Variants in SLC22A15 observed in about 807,000 individuals in gnomAD.
SLC22A15 encodes solute carrier family 22 member 15, also known as flipt 1.
A neutral mutation model predicts 62.7 loss-of-function variants in SLC22A15; 45 were observed. The observed-to-expected ratio is 0.72, with a 90% CI of 0.56 to 0.92. The LOEUF is 0.92. Ranked by LOEUF, SLC22A15 falls within the 40% of genes least tolerant of loss-of-function variation. The pLI, the probability that SLC22A15 is intolerant of heterozygous loss-of-function variation, is 0.00. For missense variants in SLC22A15, 622 were observed against 665.6 expected (o/e 0.93, Z 0.72); for synonymous variants, 264 against 267.0 (o/e 0.99, Z 0.11).
At chr1:116,038,190 G>A (rs1657682653) in intron 8 of SLC22A15, among the ~76,000 whole-genome samples, 1 of 152,130 alleles carries the variant, frequency 6.6e-6, no homozygotes, top group Admixed American at 6.5e-5. Context: ...CCTGTCTTAG[G>A]GGCTTTTGGA....
chr1:115,993,215 C>A (rs1655240101), intron 2 of SLC22A15, among the ~76,000 whole-genome samples: 3 of 152,196 alleles, frequency 2.0e-5, no homozygotes, highest in Admixed American at 1.3e-4. Flanking sequence ...GCCTGCTCCT[C>A]TGAAGCTACC....
Position 115,992,206 on chromosome 1 carries a change from T to A in SLC22A15, c.263T>A (p.Val88Glu), listed in dbSNP as rs750995469. 27 of 1,605,178 alleles carry A rather than the reference T, an allele frequency of 1.7e-5. No individual in the cohort carries two copies. Among genetic ancestry groups the A allele is most frequent in the Non-Finnish European group, 2.1e-5 (25 of 1,175,686 alleles). ...TANGSEIHKH[V>E]HFSSSFTSIA... ...AACGGCAGTGAGATCCATAAGCACG[T>A]GCATTTCAGCAGCAGCTTCACCTCC... The change falls in exon 2 of 12, where the codon GTG becomes GAG. Residue 88 changes from valine (V) to glutamate (E), a missense_variant. Val to Glu is a moderately radical substitution (Grantham distance 121, BLOSUM62 -2). Transcript: ENST00000369503.
At chr1:115,990,403 ATTTC>A (rs1351076231) in intron 1 of SLC22A15, among the ~76,000 whole-genome samples, 1 of 152,204 alleles carries the variant, frequency 6.6e-6, no homozygotes, top group African/African-American at 2.4e-5. Context: ...CATCAATTAA[ATTTC>A]AGCAGAGTAT....
intron 8 of SLC22A15, 32 bp from the exon 9 acceptor site, chr1:116,062,730 G>T (rs777221511): frequency 1.2e-6 from 2 of 1,612,646 alleles, no homozygotes; most frequent in Non-Finnish European, 1.7e-6. Context: ...TTCAACTGTG[G>T]GTCTCACAGG....
chr1:115,991,979 A>G, intron 1 of SLC22A15, 52 bp from the exon 2 acceptor site: 2 of 1,527,342 alleles, frequency 1.3e-6, no homozygotes, highest in Non-Finnish European at 1.8e-6. Context: ...AGTGTCTTCA[A>G]CATTGATGGC....
chr1:115,994,980 C>CT (rs200134103), intron 2 of SLC22A15, among the ~76,000 whole-genome samples: 2,071 of 151,372 alleles, frequency 0.014, 55 homozygotes, highest in African/African-American at 0.047. Flanking sequence ...GACCTTCAGC[C>CT]TTTTTTTTTC....
At chr1:115,990,022 C>T (rs1655071547) in intron 1 of SLC22A15, among the ~76,000 whole-genome samples, 3 of 152,218 alleles carry the variant, frequency 2.0e-5, no homozygotes, top group South Asian at 4.1e-4. Flanking sequence ...TAAGCAAATA[C>T]ATAAATATAA....
At chr1:116,018,126 C>T (rs1656631008) in intron 2 of SLC22A15, among the ~76,000 whole-genome samples, 1 of 152,230 alleles carries the variant, frequency 6.6e-6, no homozygotes, top group South Asian at 2.1e-4. Context: ...ACGCTTTCAA[C>T]ATTCCAAACT....
intron 2 of SLC22A15, chr1:116,017,541 C>G (rs978999040): frequency 6.6e-6 from 1 of 152,152 alleles, no homozygotes; most frequent in African/African-American, 2.4e-5. Flanking sequence ...TTCCCAATTC[C>G]TGAGCCTTTT....
chr1:116,054,937 C>T (rs2101546021), intron 8 of SLC22A15, among the ~76,000 whole-genome samples: 2 of 151,682 alleles, frequency 1.3e-5, no homozygotes, highest in African/African-American at 4.8e-5. Flanking sequence ...CACTAAATGC[C>T]CACGAGAGAA....
intron 2 of SLC22A15, among the ~76,000 whole-genome samples, chr1:116,006,478 C>A (rs1655990809): frequency 6.6e-6 from 1 of 152,168 alleles, no homozygotes; most frequent in African/African-American, 2.4e-5. Flanking sequence ...TGCTGAAGAT[C>A]TTTAAAGCAG....
chr1:116,040,370 G>T (rs958793304), intron 8 of SLC22A15, among the ~76,000 whole-genome samples: 1 of 152,190 alleles, frequency 6.6e-6, no homozygotes, highest in African/African-American at 2.4e-5. Flanking sequence ...TTGCCTGGAG[G>T]ATTCTAATTA....
At chr1:116,060,423 A>T (rs748636943) in intron 8 of SLC22A15, among the ~76,000 whole-genome samples, 2 of 152,166 alleles carry the variant, frequency 1.3e-5, no homozygotes. Flanking sequence ...TATCATGGAA[A>T]ACTTCATCTA....
intron 1 of SLC22A15, among the ~76,000 whole-genome samples, chr1:115,986,319 T>C (rs1393732747): frequency 6.6e-6 from 1 of 152,234 alleles, no homozygotes; most frequent in African/African-American, 2.4e-5. Context: ...TGTGTTGGGT[T>C]CTTTAGAGGG....
At chr1:116,025,810 A>G (rs1454024573) in intron 4 of SLC22A15, among the ~76,000 whole-genome samples, 1 of 152,220 alleles carries the variant, frequency 6.6e-6, no homozygotes, top group Non-Finnish European at 1.5e-5. Flanking sequence ...AATAAATAAT[A>G]GCTATTACTA....
chr1:116,006,093 C>T (rs1655965436), intron 2 of SLC22A15, among the ~76,000 whole-genome samples: 1 of 152,134 alleles, frequency 6.6e-6, no homozygotes, highest in Admixed American at 6.5e-5. Flanking sequence ...ACAGCTTGAC[C>T]TAAGCAACAT....
chr1:116,017,878 TATC>T (rs1656618594), intron 2 of SLC22A15, among the ~76,000 whole-genome samples: 1 of 152,230 alleles, frequency 6.6e-6, no homozygotes. Context: ...TATAACCAAA[TATC>T]ATCTTTAACA....
intron 7 of SLC22A15, among the ~76,000 whole-genome samples, chr1:116,035,544 A>G (rs1177871896): frequency 2.6e-5 from 4 of 152,180 alleles, no homozygotes; most frequent in Non-Finnish European, 5.9e-5. Context: ...TTTTATATAG[A>G]TTTCAATTCA....
At chr1:116,029,446 T>A (rs142411046) in intron 5 of SLC22A15, among the ~76,000 whole-genome samples, 23 of 152,310 alleles carry the variant, frequency 1.5e-4, no homozygotes, top group African/African-American at 4.8e-4. Context: ...GGACGGCATG[T>A]TCAAAGGCCT....
Sources: allele counts gnomAD v4.1 joint callset (sites outside exome capture counted in the v4.1 genomes callset), GRCh38; gene constraint gnomAD v4.1.1; transcripts MANE v1.5; gene names NCBI Gene and HGNC (gene_info 2026-07-23, HGNC 2026-07-21).